Variants in HADHB observed in about 807,000 individuals in gnomAD.
HADHB encodes hydroxyacyl-CoA dehydrogenase trifunctional multienzyme complex subunit beta.
HADHB carries 50 observed loss-of-function variants against 61.9 expected under a neutral mutation model. The ratio of observed to expected loss-of-function variants is 0.81; its 90% confidence interval spans 0.64 to 1.02. HADHB has a LOEUF of 1.02. Among genes scored for constraint, HADHB ranks in the 50% least tolerant of loss-of-function variants. HADHB has a pLI of 0.00. For synonymous variants in HADHB, 191 were observed against 201.6 expected (o/e 0.95, Z 0.45); for missense variants, 504 against 586.5 (o/e 0.86, Z 1.45).
intron 3 of HADHB, 50 bp downstream of exon 3, chr2:26,254,524 G>C (rs1350656404): frequency 1.6e-6 from 2 of 1,233,108 alleles, no homozygotes; most frequent in Non-Finnish European, 2.4e-6. Context: ...TTAGATTCCA[G>C]ATTCTATAGT....
chr2:26,271,527 CCACA>C (rs986666342), intron 5 of HADHB, among the ~76,000 whole-genome samples: 6 of 151,498 alleles, frequency 4.0e-5, no homozygotes, highest in African/African-American at 1.5e-4. Context: ...AAATAAAAAA[CCACA>C]CACACACACA....
At chr2:26,276,824 A>G (rs577585108) in intron 6 of HADHB, among the ~76,000 whole-genome samples, 1 of 152,340 alleles carries the variant, frequency 6.6e-6, no homozygotes, top group South Asian at 2.1e-4. Flanking sequence ...GTGAGTTAGG[A>G]GAGTATCATA....
At chr2:26,264,077 A>G (rs903463746) in intron 4 of HADHB, among the ~76,000 whole-genome samples, 38 of 152,152 alleles carry the variant, frequency 2.5e-4, no homozygotes, top group African/African-American at 8.9e-4. Flanking sequence ...CTTTGATAAC[A>G]AGGTTTAAAC....
intron 1 of HADHB, among the ~76,000 whole-genome samples, chr2:26,253,295 T>C (rs954793880): frequency 2.1e-5 from 3 of 144,694 alleles, no homozygotes; most frequent in African/African-American, 7.5e-5. Flanking sequence ...TATCAAACTT[T>C]GAAAAAGTTG....
chr2:26,275,649 C>T (rs925722359), intron 6 of HADHB, among the ~76,000 whole-genome samples: 16 of 152,136 alleles, frequency 1.1e-4, no homozygotes, highest in African/African-American at 3.6e-4. Flanking sequence ...CTCTTCCTTT[C>T]GGATTGGTTT....
At chr2:26,265,667 A>G (rs1423059216) in intron 4 of HADHB, among the ~76,000 whole-genome samples, 1 of 152,212 alleles carries the variant, frequency 6.6e-6, no homozygotes, top group African/African-American at 2.4e-5. Context: ...TTTATTAAAC[A>G]TTTGATGATT....
At position 26,290,376 on chromosome 2, in the gene HADHB, T is replaced by C. The variant is rs1387507304; in HGVS notation, c.*423T>C. The stretch of plus-strand genomic sequence containing the variant: ...TGCCTAATTAATTATGGAAAAATAA[T>C]TCAGAATCTAAACACCACTGAAAAC... On this transcript the variant is annotated 3_prime_UTR_variant, in exon 16 of 16. Transcript: ENST00000317799. 5.0e-6 allele frequency: 1 copy of C among 200,010 alleles called. No homozygotes were observed. The highest frequency in any genetic ancestry group is 2.4e-5 in the African/African-American group (1 of 42,436). The allele number at this position is 200,010 out of a possible 1,614,324, so 12.4% of individuals were successfully genotyped here.
At chr2:26,279,884 G>A (rs1321090378) in intron 9 of HADHB, 110 bp from the exon 10 acceptor site, 1 of 799,574 alleles carries the variant, frequency 1.3e-6, no homozygotes, top group Non-Finnish European at 2.1e-6. Flanking sequence ...CTAGTGAATA[G>A]GTAAGGTTTA....
chr2:26,273,810 A>T, intron 6 of HADHB, 60 bp downstream of exon 6: 2 of 882,248 alleles, frequency 2.3e-6, no homozygotes, highest in East Asian at 4.9e-5. Flanking sequence ...TTGAATTTCA[A>T]TTAATAGAAG....
At chr2:26,263,536 A>T (rs1172832107) in intron 4 of HADHB, 57 bp downstream of exon 4, 4 of 1,079,598 alleles carry the variant, frequency 3.7e-6, no homozygotes, top group Non-Finnish European at 5.8e-6. Context: ...TTTCAAAAGT[A>T]GTCTTTGTAA....
At chr2:26,266,220 C>T (rs539426128) in intron 4 of HADHB, among the ~76,000 whole-genome samples, 74 of 151,688 alleles carry the variant, frequency 4.9e-4, no homozygotes, top group South Asian at 2.9e-3. Flanking sequence ...GGGCTATGAA[C>T]GTATATGAGC....
intron 1 of HADHB, among the ~76,000 whole-genome samples, chr2:26,248,832 G>A (rs1010367939): frequency 2.0e-5 from 3 of 152,092 alleles, no homozygotes; most frequent in African/African-American, 4.8e-5. Flanking sequence ...AGAGGCGGGC[G>A]GATCACCTGA....
At chr2:26,261,221 C>CT in intron 3 of HADHB, 2 of 475,690 alleles carry the variant, frequency 4.2e-6, no homozygotes, top group South Asian at 8.9e-5. Context: ...TACCCCCCCC[C>CT]CATCCAGACA....
intron 14 of HADHB, 81 bp from the exon 15 acceptor site, chr2:26,285,326 T>A: frequency 8.2e-7 from 1 of 1,220,860 alleles, no homozygotes; most frequent in South Asian, 1.2e-5. Context: ...TCTATCTCTC[T>A]TACTTCGTAG....
chr2:26,261,002 G>A, intron 3 of HADHB: 1 of 1,521,524 alleles, frequency 6.6e-7, no homozygotes, highest in Non-Finnish European at 8.8e-7. Flanking sequence ...GACCAACACA[G>A]TTGATCACTT....
At chr2:26,257,608 G>A (rs949761267) in intron 3 of HADHB, among the ~76,000 whole-genome samples, 6 of 152,176 alleles carry the variant, frequency 3.9e-5, no homozygotes, top group Non-Finnish European at 7.4e-5. Context: ...GTTCCTCTTC[G>A]CTTCTCTTTT....
In HADHB at chr2:26,244,971, C is replaced by T. The variant is rs1282004588; in HGVS notation, c.-28C>T. ...CCTGAACCTTGCTCCGAGAGGGAGT[C>T]CTCGCGGACGTCAGCCAAGGTGAGA... On this transcript the variant is annotated 5_prime_UTR_variant, in exon 1 of 16. Coordinates refer to ENST00000317799, the MANE Select transcript of HADHB (RefSeq NM_000183.3). 7.1e-6 allele frequency: 2 copies of T among 281,972 alleles called. No individual in the cohort carries two copies. The highest frequency in any genetic ancestry group is 7.6e-5 in the East Asian group (1 of 13,196). 17.5% of individuals were successfully genotyped at this position (281,972 alleles called of 1,614,324 possible).
In HADHB at chr2:26,261,046, T is replaced by C. The variant is rs761210270; in HGVS notation, c.110-2334T>C. ...ATGACACTGGTTTCTGGTTGGCTCC[T>C]ATATGGATGGATCATTGGTGAGTCC... On this transcript the variant is annotated intron_variant, in intron 3 of 15. Transcript: ENST00000317799. 2.5e-5 allele frequency: 37 copies of C among 1,490,674 alleles called. No homozygotes were observed. The African/African-American group carries it at 3.5e-4, about 14-fold the overall frequency. The allele number at this position is 1,490,674 out of a possible 1,614,324, so 92.3% of individuals were successfully genotyped here.
intron 1 of HADHB, among the ~76,000 whole-genome samples, chr2:26,253,445 T>G (rs1272609210): frequency 6.6e-6 from 1 of 152,158 alleles, no homozygotes; most frequent in African/African-American, 2.4e-5. Context: ...AGTACAGCCT[T>G]CAGAATCGTG....
Sources: gnomAD v4.1 joint callset for allele counts (sites outside exome capture counted in the v4.1 genomes callset) on GRCh38, gnomAD v4.1.1 for gene constraint, MANE v1.5 for transcripts, NCBI Gene and HGNC (gene_info 2026-07-23, HGNC 2026-07-21) for gene names.